FARP1: variants seen among roughly 807,000 people sequenced by gnomAD.
FARP1 encodes FERM, ARH/RhoGEF and pleckstrin domain protein 1, also known as FERM, ARHGEF and pleckstrin domain-containing protein 1.
A neutral mutation model predicts 128.8 loss-of-function variants in FARP1; 52 were observed. The observed-to-expected ratio is 0.40, with a 90% CI of 0.32 to 0.51. The LOEUF (loss-of-function observed/expected upper bound fraction) is 0.51. FARP1 is among the 20% of genes least tolerant of loss of function. FARP1 has a pLI of 0.45. For synonymous variants in FARP1, 580 were observed against 551.8 expected (o/e 1.05, Z -0.72); for missense variants, 1,333 against 1,367.9 (o/e 0.97, Z 0.40).
chr13:98,219,388 T>C (rs1309074447), intron 2 of FARP1, among the ~76,000 whole-genome samples: 6 of 152,060 alleles, frequency 3.9e-5, no homozygotes, highest in Admixed American at 3.3e-4. Context: ...AAGATCTTGC[T>C]CTGTCACCCA....
intron 1 of FARP1, among the ~76,000 whole-genome samples, chr13:98,160,211 T>C (rs1346865774): frequency 2.0e-5 from 3 of 152,200 alleles, no homozygotes; most frequent in Non-Finnish European, 4.4e-5. Context: ...GTTAAATCTT[T>C]AAATTGAAGT....
At chr13:98,443,929 ATTTG>A (rs947704060) in intron 24 of FARP1, among the ~76,000 whole-genome samples, 3 of 7,874 alleles carry the variant, frequency 3.8e-4, no homozygotes, top group Admixed American at 3.3e-3. Flanking sequence ...CGGGGGTTAT[ATTTG>A]TTCCCCGTGG....
At chr13:98,299,644 T>C (rs1885840969) in intron 2 of FARP1, among the ~76,000 whole-genome samples, 1 of 152,180 alleles carries the variant, frequency 6.6e-6, no homozygotes, top group South Asian at 2.1e-4. Flanking sequence ...AATTATAGTC[T>C]TGGAAACCTG....
rs1366108175 is a variant in FARP1 at position 98,446,092 on chromosome 13, T to G, written c.2797-6T>G. 6.2e-7 allele frequency: 1 copy of G among 1,608,290 alleles called. No individual in the cohort carries two copies. The highest frequency in any genetic ancestry group is 2.2e-5 in the East Asian group (1 of 44,858). On this transcript the variant is annotated splice_polypyrimidine_tract_variant and splice_region_variant and intron_variant, in intron 24 of 26. Coordinates refer to ENST00000319562, the MANE Select transcript of FARP1 (RefSeq NM_005766.4). Reference sequence around the variant, plus strand: ...TGTGCTTCTCACAGGCCTCCTTGCCTTTCAGAATCAGTTGTCTGGAAACCT... The same window carrying G: ...TGTGCTTCTCACAGGCCTCCTTGCCGTTCAGAATCAGTTGTCTGGAAACCT...
intron 1 of FARP1, among the ~76,000 whole-genome samples, chr13:98,204,534 TG>T (rs1394579618): frequency 6.6e-6 from 1 of 152,224 alleles, no homozygotes; most frequent in African/African-American, 2.4e-5. Flanking sequence ...AAAGTATAAA[TG>T]GTTGTAAAGT....
intron 2 of FARP1, among the ~76,000 whole-genome samples, chr13:98,259,949 C>G (rs563482291): frequency 1.3e-3 from 191 of 146,320 alleles, no homozygotes; most frequent in African/African-American, 3.4e-3. Context: ...CAGTTACCCT[C>G]TGAGCCTCAG....
Position 98,371,358 on chromosome 13 carries a change from C to T in FARP1, c.398+3163C>T, listed in dbSNP as rs192120326. On this transcript the variant is annotated intron_variant, in intron 5 of 26. Transcript: ENST00000319562. Reference sequence around the variant, plus strand: ...GAAACTCCATACAGCTGGTTACCATCGAGCCGCATGTGCCTGGTACATTGC... The same window carrying T: ...GAAACTCCATACAGCTGGTTACCATTGAGCCGCATGTGCCTGGTACATTGC... Among the ~76,000 whole-genome samples the T allele has an allele frequency of 8.6e-3, 1,303 of 152,010 alleles. 12 individuals carry two copies. Among genetic ancestry groups the T allele is most frequent in the Non-Finnish European group, 0.015 (1,005 of 68,016 alleles).
chr13:98,142,936 G>T (rs1875142746), upstream of FARP1, among the ~76,000 whole-genome samples: 1 of 150,940 alleles, frequency 6.6e-6, no homozygotes, highest in African/African-American at 2.4e-5. Flanking sequence ...GGGCGCACCT[G>T]CCCGGGCGGA....
At chr13:98,225,246 G>A (rs1342625356) in intron 2 of FARP1, among the ~76,000 whole-genome samples, 1 of 152,086 alleles carries the variant, frequency 6.6e-6, no homozygotes, top group East Asian at 1.9e-4. Flanking sequence ...ATCCAGTGCC[G>A]AGAACAACTC....
In FARP1 at chr13:98,184,951, C is replaced by G. The variant is rs1349460144; in HGVS notation, c.-23-28269C>G. ...ACAAAACTCTAATTCATAGAGTTTG[C>G]CAGTTTCCGTGGTGTAAATATTTCC... On this transcript the variant is annotated intron_variant, in intron 1 of 26. Coordinates refer to ENST00000319562, the MANE Select transcript of FARP1 (RefSeq NM_005766.4). 2.0e-5 allele frequency among the ~76,000 whole-genome samples: 3 copies of G among 152,162 alleles called. No homozygotes were observed. In the East Asian group the frequency reaches 5.8e-4, roughly 29 times the overall value.
chr13:98,320,369 C>T (rs1445615121), intron 2 of FARP1, among the ~76,000 whole-genome samples: 1 of 152,174 alleles, frequency 6.6e-6, no homozygotes, highest in Non-Finnish European at 1.5e-5. Flanking sequence ...TATAGTTTTA[C>T]CCAGTTTGCC....
At position 98,364,603 on chromosome 13, in the gene FARP1, G is replaced by A. The variant is rs535100649; in HGVS notation, c.277-792G>A. Among the ~76,000 whole-genome samples, 12 of 152,272 alleles carry A rather than the reference G, an allele frequency of 7.9e-5. No individual in the cohort carries two copies. In the South Asian group the frequency reaches 2.1e-3, roughly 26 times the overall value. ...TTAGTTTTGTCATATATGCAAATAT[G>A]AGCTTCTGTGGAACCCTTTCAAATG... is the stretch of plus-strand genomic sequence containing the variant. On this transcript the variant is annotated intron_variant, in intron 3 of 26. Coordinates refer to ENST00000319562, the MANE Select transcript of FARP1 (RefSeq NM_005766.4).
intron 1 of FARP1, chr13:98,175,920 T>C (rs1877977897): frequency 5.7e-6 from 3 of 530,964 alleles, no homozygotes; most frequent in African/African-American, 1.9e-5. Context: ...TAGCATTCCA[T>C]TGTGTGTGTG....
rs185606826 is a variant in FARP1 at position 98,379,576 on chromosome 13, C to T, written c.496+1658C>T. Among the ~76,000 whole-genome samples the T allele has an allele frequency of 5.3e-5, 8 of 152,128 alleles. No individual in the cohort carries two copies. In the East Asian group the frequency reaches 1.4e-3, roughly 26 times the overall value. On this transcript the variant is annotated intron_variant, in intron 6 of 26. Coordinates refer to ENST00000319562, the MANE Select transcript of FARP1 (RefSeq NM_005766.4). ...TTAAATGGTAGCATACACAGTTGTC[C>T]TTTAATGTCCATGGGGTATTGGCTG... is the stretch of plus-strand genomic sequence containing the variant.
intron 3 of FARP1, among the ~76,000 whole-genome samples, chr13:98,362,167 G>A (rs189686991): frequency 6.6e-6 from 1 of 152,216 alleles, no homozygotes; most frequent in East Asian, 1.9e-4. Flanking sequence ...GGGAAGCTGA[G>A]GTGGGAGGAT....
chr13:98,417,379 T>C (rs1310471279), intron 16 of FARP1, among the ~76,000 whole-genome samples: 2 of 144,610 alleles, frequency 1.4e-5, no homozygotes, highest in Non-Finnish European at 3.0e-5. Context: ...TATACCTTTA[T>C]GGCAGCTTGC....
intron 17 of FARP1, among the ~76,000 whole-genome samples, chr13:98,430,837 A>G (rs1197027237): frequency 6.6e-6 from 1 of 152,230 alleles, no homozygotes; most frequent in African/African-American, 2.4e-5. Context: ...ACTGCTCAGT[A>G]CCTTAATAGG....
At position 98,176,510 on chromosome 13, in the gene FARP1, G is replaced by A; in HGVS notation, c.-24+33018G>A. The A allele has an allele frequency of 6.2e-7, 1 of 1,614,158 alleles. No individual in the cohort carries two copies. Among genetic ancestry groups the A allele is most frequent in the Non-Finnish European group, 8.5e-7 (1 of 1,180,026 alleles). On this transcript the variant is annotated intron_variant, in intron 1 of 26. Coordinates refer to ENST00000319562, the MANE Select transcript of FARP1 (RefSeq NM_005766.4). This position sits in a 1 kb window ranked among gnomAD's most constrained non-coding sequence, Gnocchi z 6.2. Reference sequence around the variant, plus strand: ...TCCTCTTCCTCGCTTCCCACTTCATGGTTTTCGTCCTCGCAGATACAGTAG... The same window carrying A: ...TCCTCTTCCTCGCTTCCCACTTCATAGTTTTCGTCCTCGCAGATACAGTAG...
rs59132299 is a variant in FARP1, at chr13:98,268,778, T to TTGTGTGTGTG, written c.171+55397_171+55406dup. ...CTACTGCATCTGGCCTTTCCCTTCT[T>TTGTGTGTGTG]TGTGTGTGTGTGTGTGTGTGTGTGT... is the stretch of plus-strand genomic sequence containing the variant. On this transcript the variant is annotated intron_variant, in intron 2 of 26. Coordinates refer to ENST00000319562, the MANE Select transcript of FARP1 (RefSeq NM_005766.4). 8.4e-3 allele frequency among the ~76,000 whole-genome samples: 1,241 copies of TTGTGTGTGTG among 148,260 alleles called. 8 individuals are homozygous for TTGTGTGTGTG. Among genetic ancestry groups the TTGTGTGTGTG allele is most frequent in the African/African-American group, 0.014 (553 of 40,288 alleles).
Sources: gnomAD v4.1 joint callset for allele counts (sites outside exome capture counted in the v4.1 genomes callset) on GRCh38, gnomAD v4.1.1 for gene constraint, Gnocchi (gnomAD v3.1) non-coding constraint, MANE v1.5 for transcripts, NCBI Gene and HGNC (gene_info 2026-07-23, HGNC 2026-07-21) for gene names.